The following STIM1 variants were observed in gnomAD, a reference collection of about 807,000 sequenced individuals.
The protein encoded by STIM1 is stromal interaction molecule 1.
STIM1 carries 25 observed loss-of-function variants against 74.7 expected under a neutral mutation model. That is an observed-to-expected ratio of 0.33 (90% confidence interval 0.24 to 0.47). The LOEUF (loss-of-function observed/expected upper bound fraction) is 0.47. Ranked by LOEUF, STIM1 falls within the 20% of genes least tolerant of loss-of-function variation. The probability of loss-of-function intolerance (pLI) is 1.00; values close to 1 mark genes in which losing one functional copy is unlikely to be tolerated. For missense variants in STIM1, 728 were observed against 920.8 expected (o/e 0.79, Z 2.71); for synonymous variants, 328 against 348.8 (o/e 0.94, Z 0.66).
intron 1 of STIM1, among the ~76,000 whole-genome samples, chr11:3,919,815 G>C (rs1457352430): frequency 1.3e-5 from 2 of 152,096 alleles, no homozygotes; most frequent in Non-Finnish European, 2.9e-5. Context: ...TGGTGGTACA[G>C]GCCTGTAATC....
chr11:3,870,746 C>T (rs993247626), intron 1 of STIM1, among the ~76,000 whole-genome samples: 10 of 152,154 alleles, frequency 6.6e-5, no homozygotes, highest in Non-Finnish European at 1.2e-4. Context: ...AATCCACCCA[C>T]CTCAGCCTCC....
rs1345014433 is a variant in STIM1 at position 4,083,412 on chromosome 11, G to A, written c.1388G>A (p.Ser463Asn). Residue 463 changes from serine to asparagine, a missense_variant, in exon 10 of 13, where the codon AGT becomes AAT. Transcript: ENST00000526596. ...AACATAGACCCCAGCTGGATGGGCAGTACACGCCCCAACCCTGCTCACTTC... is the reference window on the plus strand; with the variant it reads ...AACATAGACCCCAGCTGGATGGGCAATACACGCCCCAACCCTGCTCACTTC... Reference protein sequence around the residue: ...ALNIDPSWMGSTRPNPAHFIM... With the variant: ...ALNIDPSWMGNTRPNPAHFIM... 1.2e-6 allele frequency: 2 copies of A among 1,614,138 alleles called. No individual in the cohort carries two copies. The highest frequency in any genetic ancestry group is 2.2e-5 in the East Asian group (1 of 44,894).
chr11:3,972,061 TCTC>T (rs113287882), intron 2 of STIM1, among the ~76,000 whole-genome samples: 6,855 of 152,240 alleles, frequency 0.045, 481 homozygotes, highest in African/African-American at 0.15. Context: ...TTCCCCTTGT[TCTC>T]CTGCTTCAGC....
At chr11:3,918,533 C>CA (rs551060009) in intron 1 of STIM1, among the ~76,000 whole-genome samples, 25,293 of 117,086 alleles carry the variant, frequency 0.22, 4,052 homozygotes, top group African/African-American at 0.53. Flanking sequence ...GACACTGTCT[C>CA]AAAAAAAAAA....
At chr11:4,072,978 T>C (rs1381567324) in intron 6 of STIM1, among the ~76,000 whole-genome samples, 1 of 151,822 alleles carries the variant, frequency 6.6e-6, no homozygotes, top group Non-Finnish European at 1.5e-5. Context: ...TAACATTTCC[T>C]CTTCTTACCT....
chr11:3,961,901 T>C lies in STIM1; in HGVS notation c.140-5651T>C, dbSNP rs1015890972. ...AATTGTCCTTTGGAAGCCTTCATAC[T>C]GGTATCATGACCTAACATTTAGTGG... On this transcript the variant is annotated intron_variant, in intron 1 of 12. Coordinates refer to ENST00000526596, the MANE Select transcript of STIM1 (RefSeq NM_001382567.1). Among the ~76,000 whole-genome samples the C allele has an allele frequency of 4.7e-4, 71 of 152,250 alleles. 3 individuals are homozygous for C. Among genetic ancestry groups the C allele is most frequent in the Non-Finnish European group, 7.3e-5 (5 of 68,042 alleles).
intron 1 of STIM1, among the ~76,000 whole-genome samples, chr11:3,912,445 A>G (rs2092580566): frequency 1.3e-5 from 2 of 151,126 alleles, no homozygotes; most frequent in Non-Finnish European, 2.9e-5. Context: ...GCTCACTGCA[A>G]CCTCCGCCTC....
chr11:4,066,885 G>T (rs2094369891), intron 5 of STIM1, among the ~76,000 whole-genome samples: 1 of 152,126 alleles, frequency 6.6e-6, no homozygotes, highest in Admixed American at 6.5e-5. Flanking sequence ...TATTAGTAAG[G>T]CATAGATTAG....
At chr11:4,011,479 AG>A (rs2093835498) in intron 2 of STIM1, among the ~76,000 whole-genome samples, 1 of 152,178 alleles carries the variant, frequency 6.6e-6, no homozygotes, top group Non-Finnish European at 1.5e-5. Context: ...TGGCCAGTGA[AG>A]ATGAGCATTT....
chr11:4,072,614 C>G (rs903155776), intron 6 of STIM1, among the ~76,000 whole-genome samples: 8 of 152,122 alleles, frequency 5.3e-5, no homozygotes, highest in African/African-American at 1.9e-4. Context: ...TCTAACAGAC[C>G]TTATTGGAAC....
intron 12 of STIM1, among the ~76,000 whole-genome samples, chr11:4,087,798 G>A (rs1423838466): frequency 2.7e-5 from 4 of 148,812 alleles, no homozygotes; most frequent in Non-Finnish European, 5.9e-5. Context: ...GTGAAGGAAA[G>A]GGAGGATCTA....
chr11:3,861,234 TA>T (rs1371124744), intron 1 of STIM1, among the ~76,000 whole-genome samples: 2 of 148,932 alleles, frequency 1.3e-5, no homozygotes, highest in African/African-American at 2.5e-5. Flanking sequence ...GTAGTGGTTC[TA>T]TTTTTTTTTT....
chr11:4,036,454 T>C (rs768055693), intron 3 of STIM1, among the ~76,000 whole-genome samples: 25 of 152,230 alleles, frequency 1.6e-4, no homozygotes, highest in Non-Finnish European at 2.9e-4. Flanking sequence ...AATGGTGAAC[T>C]AATTTGCATT....
chr11:3,895,276 G>A (rs10835262), intron 1 of STIM1, among the ~76,000 whole-genome samples: 44,126 of 151,914 alleles, frequency 0.29, 6,706 homozygotes, highest in South Asian at 0.41. Context: ...GCTTCTTGGT[G>A]GGACTGGCTC....
In STIM1 at chr11:3,856,244, G is replaced by C. The variant is rs1443510439; in HGVS notation, c.-27G>C. 6.2e-7 allele frequency: 1 copy of C among 1,613,840 alleles called. No homozygotes were observed. Among genetic ancestry groups the C allele is most frequent in the Admixed American group, 1.7e-5 (1 of 60,034 alleles). ...CTGGGATCCCGAGGTGTCCACATCA[G>C]ACGCATGTTGACTGAGACCTAGAGT... is the stretch of plus-strand genomic sequence containing the variant. On this transcript the variant is annotated 5_prime_UTR_variant, in exon 1 of 13. Transcript: ENST00000526596.
rs2090811521 is a variant in STIM1 at position 3,865,313 on chromosome 11, TC to T, written c.139+8905del. Among the ~76,000 whole-genome samples, 4 of 152,338 alleles carry T rather than the reference TC, an allele frequency of 2.6e-5. No homozygotes were observed. The South Asian group carries it at 8.3e-4, about 32-fold the overall frequency. On this transcript the variant is annotated intron_variant, in intron 1 of 12. Transcript: ENST00000526596. ...GTAAGCCAGGGCTAGAATATAATTT[TC>T]TCTGATTCTCATTCATATGTTGTTC...
chr11:3,967,023 TCA>T (rs1455368266), intron 1 of STIM1, among the ~76,000 whole-genome samples: 9 of 152,244 alleles, frequency 5.9e-5, no homozygotes, highest in African/African-American at 2.2e-4. Flanking sequence ...GTTTCCCCAG[TCA>T]ATGGCTGACC....
chr11:4,015,833 T>C (rs1357448527), intron 2 of STIM1, among the ~76,000 whole-genome samples: 3 of 152,214 alleles, frequency 2.0e-5, no homozygotes, highest in Non-Finnish European at 4.4e-5. Flanking sequence ...CTTGATCAAA[T>C]CGGCTATTGA....
chr11:4,020,150 T>C (rs896052391), intron 2 of STIM1, among the ~76,000 whole-genome samples: 1 of 152,238 alleles, frequency 6.6e-6, no homozygotes, highest in Non-Finnish European at 1.5e-5. Context: ...TATGGCTGAA[T>C]GGTATGCTGT....
Sources: allele counts gnomAD v4.1 joint callset (sites outside exome capture counted in the v4.1 genomes callset), GRCh38; gene constraint gnomAD v4.1.1; transcripts MANE v1.5; gene names NCBI Gene and HGNC (gene_info 2026-07-23, HGNC 2026-07-21).